Variants in KCTD16 observed in about 807,000 individuals in gnomAD.
KCTD16 encodes the protein BTB/POZ domain-containing protein KCTD16.
KCTD16 carries 13 observed loss-of-function variants against 33.2 expected under a neutral mutation model. That is an observed-to-expected ratio of 0.39 (90% confidence interval 0.25 to 0.62). The LOEUF (loss-of-function observed/expected upper bound fraction) is 0.62. Ranked by LOEUF, KCTD16 falls within the 20% of genes least tolerant of loss-of-function variation. KCTD16 has a pLI of 0.50. For synonymous variants in KCTD16, 197 were observed against 195.3 expected (o/e 1.01, Z -0.07); for missense variants, 441 against 525.1 (o/e 0.84, Z 1.57).
At chr5:144,342,953 T>C (rs1752686729) in intron 3 of KCTD16, among the ~76,000 whole-genome samples, 1 of 152,190 alleles carries the variant, frequency 6.6e-6, no homozygotes, top group Non-Finnish European at 1.5e-5. Context: ...TGGATGAGCT[T>C]TTTGATGTAC....
chr5:144,436,172 T>C (rs1252526086), intron 3 of KCTD16, among the ~76,000 whole-genome samples: 1 of 152,172 alleles, frequency 6.6e-6, no homozygotes, highest in Non-Finnish European at 1.5e-5. Context: ...TTCCTCTCTG[T>C]TGGGCTAAAG....
chr5:144,189,248 T>C (rs1307983434), intron 2 of KCTD16, among the ~76,000 whole-genome samples: 1 of 152,086 alleles, frequency 6.6e-6, no homozygotes, highest in African/African-American at 2.4e-5. Context: ...ATCCCAGGAC[T>C]TTGGGAGGCC....
At position 144,294,489 on chromosome 5, in the gene KCTD16, T is replaced by G. The variant is rs185799196; in HGVS notation, c.832+86943T>G. On this transcript the variant is annotated intron_variant, in intron 3 of 3. Transcript: ENST00000512467. ...GTATGTAAGCATTTTGTATATAAAC[T>G]TATTTTTTTTTTCCTTGTGGGAGAG... 5.0e-3 allele frequency among the ~76,000 whole-genome samples: 711 copies of G among 143,012 alleles called. 6 individuals are homozygous for G. Among genetic ancestry groups the G allele is most frequent in the African/African-American group, 0.016 (667 of 40,618 alleles). 93.8% of individuals were successfully genotyped at this position (143,012 alleles called of 152,430 possible). A position where few individuals can be genotyped will look rare whatever the true frequency, so the allele number is the denominator to read the frequency against.
chr5:144,363,535 C>CTAT (rs1159651859), intron 3 of KCTD16, among the ~76,000 whole-genome samples: 1 of 151,332 alleles, frequency 6.6e-6, no homozygotes, highest in Non-Finnish European at 1.5e-5. Flanking sequence ...CTGCCTCTTA[C>CTAT]TGTTTTTTTT....
At chr5:144,261,364 A>G (rs1437702547) in intron 3 of KCTD16, among the ~76,000 whole-genome samples, 1 of 152,132 alleles carries the variant, frequency 6.6e-6, no homozygotes, top group African/African-American at 2.4e-5. Context: ...TTTTCTTAGA[A>G]GATTAATTTG....
At chr5:144,389,070 C>T (rs1193962737) in intron 3 of KCTD16, among the ~76,000 whole-genome samples, 1 of 152,154 alleles carries the variant, frequency 6.6e-6, no homozygotes, top group Admixed American at 6.5e-5. Context: ...TTCCCTCCTT[C>T]CCATCAGATA....
intron 3 of KCTD16, among the ~76,000 whole-genome samples, chr5:144,269,513 A>G (rs1755237675): frequency 6.6e-6 from 1 of 152,116 alleles, no homozygotes; most frequent in East Asian, 1.9e-4. Context: ...AAAGTGAGGG[A>G]AAAACCATTA....
At chr5:144,203,868 TC>T (rs1424845393) in intron 2 of KCTD16, among the ~76,000 whole-genome samples, 2 of 152,094 alleles carry the variant, frequency 1.3e-5, no homozygotes, top group African/African-American at 4.8e-5. Flanking sequence ...TAAAAGAAAA[TC>T]TAAATGTTTT....
intron 3 of KCTD16, among the ~76,000 whole-genome samples, chr5:144,307,897 C>A (rs750061813): frequency 1.3e-5 from 2 of 152,156 alleles, no homozygotes; most frequent in Non-Finnish European, 2.9e-5. Context: ...CAAGGTACAT[C>A]GCTGATCTTG....
intron 3 of KCTD16, among the ~76,000 whole-genome samples, chr5:144,247,206 C>T (rs1409106365): frequency 6.6e-6 from 1 of 152,156 alleles, no homozygotes; most frequent in Non-Finnish European, 1.5e-5. Flanking sequence ...ACTGCTTTGA[C>T]CACAGAGTAT....
intron 3 of KCTD16, among the ~76,000 whole-genome samples, chr5:144,234,457 G>T (rs550129884): frequency 1.5e-3 from 229 of 152,236 alleles, no homozygotes; most frequent in Non-Finnish European, 2.8e-3. Flanking sequence ...GGTGATATCA[G>T]AGGTGTTGAA....
At chr5:144,331,606 T>C (rs1367710731) in intron 3 of KCTD16, among the ~76,000 whole-genome samples, 2 of 152,178 alleles carry the variant, frequency 1.3e-5, no homozygotes, top group Non-Finnish European at 2.9e-5. Flanking sequence ...AGTCTGTCCA[T>C]TTCCCTATAG....
intron 3 of KCTD16, among the ~76,000 whole-genome samples, chr5:144,410,880 G>A (rs895097751): frequency 5.9e-5 from 9 of 152,094 alleles, no homozygotes; most frequent in African/African-American, 2.2e-4. Context: ...TCTGTTATAA[G>A]CTGAGTATTT....
At chr5:144,373,429 G>T (rs1752014298) in intron 3 of KCTD16, among the ~76,000 whole-genome samples, 1 of 152,104 alleles carries the variant, frequency 6.6e-6, no homozygotes, top group Admixed American at 6.6e-5. Context: ...TCAATTTTCA[G>T]CTTGTGAAAA....
At chr5:144,435,859 A>G (rs1016002662) in intron 3 of KCTD16, among the ~76,000 whole-genome samples, 3 of 141,492 alleles carry the variant, frequency 2.1e-5, no homozygotes, top group African/African-American at 9.2e-5. Context: ...GTGTGTGTGT[A>G]GTTTTATTCT....
intron 3 of KCTD16, among the ~76,000 whole-genome samples, chr5:144,464,063 C>A (rs1754262753): frequency 6.6e-6 from 1 of 152,170 alleles, no homozygotes; most frequent in Non-Finnish European, 1.5e-5. Context: ...ATGAGGTGTT[C>A]TTTCCATTTC....
At chr5:144,395,348 G>T (rs1752545960) in intron 3 of KCTD16, among the ~76,000 whole-genome samples, 1 of 152,190 alleles carries the variant, frequency 6.6e-6, no homozygotes, top group African/African-American at 2.4e-5. Flanking sequence ...CAATCAAAAT[G>T]CAAGTTTATT....
chr5:144,435,823 C>CTGTGTGTG (rs138524677), intron 3 of KCTD16, among the ~76,000 whole-genome samples: 6 of 143,550 alleles, frequency 4.2e-5, no homozygotes, highest in African/African-American at 1.4e-4. Flanking sequence ...GTGCGCTTTC[C>CTGTGTGTG]TGTGTGTGTG....
At chr5:144,328,273 C>T (rs189347220) in intron 3 of KCTD16, among the ~76,000 whole-genome samples, 9 of 152,206 alleles carry the variant, frequency 5.9e-5, no homozygotes, top group African/African-American at 2.2e-4. Context: ...ATATGATACT[C>T]AGACAAGTTT....
Sources: gnomAD v4.1 joint callset for allele counts (sites outside exome capture counted in the v4.1 genomes callset) on GRCh38, gnomAD v4.1.1 for gene constraint, MANE v1.5 for transcripts, NCBI Gene and HGNC (gene_info 2026-07-23, HGNC 2026-07-21) for gene names.